The following SHOX variants were observed in gnomAD, a reference collection of about 807,000 sequenced individuals.
SHOX encodes short stature homeobox protein.
Under a neutral mutation model 29.6 loss-of-function variants are expected in SHOX, and 12 were observed. That is an observed-to-expected ratio of 0.41 (90% confidence interval 0.26 to 0.66). The LOEUF (loss-of-function observed/expected upper bound fraction) is 0.66, where lower values mean the gene tolerates loss of function less well. Among genes scored for constraint, SHOX ranks in the 30% least tolerant of loss-of-function variants. The probability of loss-of-function intolerance (pLI) is 0.35; values close to 1 mark genes in which losing one functional copy is unlikely to be tolerated. For synonymous variants in SHOX, 214 were observed against 200.6 expected (o/e 1.07, Z -0.57); for missense variants, 499 against 437.7 (o/e 1.14, Z -1.25).
At chrX:625,206 C>CCTCCTCCTCCTCCTT (rs2052501369) in intron 1 of SHOX, among the ~76,000 whole-genome samples, 3 of 90,530 alleles carry the variant, frequency 3.3e-5, no homozygotes, top group Admixed American at 2.1e-4. Flanking sequence ...TCCTCCTTCT[C>CCTCCTCCTCCTCCTT]CTCCTCCTCC....
intron 1 of SHOX, among the ~76,000 whole-genome samples, chrX:634,124 C>G (rs1237580462): frequency 6.6e-6 from 1 of 152,158 alleles, no homozygotes; most frequent in Non-Finnish European, 1.5e-5. Context: ...GTAGGGGCTC[C>G]TAGCTCCGCC....
chrX:633,492 A>C (rs1197009393), intron 1 of SHOX, among the ~76,000 whole-genome samples: 3 of 88,478 alleles, frequency 3.4e-5, no homozygotes, highest in Non-Finnish European at 4.6e-5. Flanking sequence ...GTGGGGTGGG[A>C]GGGCCCTGGT....
At chrX:624,891 TTTCTTTCTTTCTCTCTTCC>T (rs2052483776) in intron 1 of SHOX, among the ~76,000 whole-genome samples, 1 of 75,634 alleles carries the variant, frequency 1.3e-5, no homozygotes, top group African/African-American at 7.1e-5. Context: ...TCTTTCTTTC[TTTCTTTCTTTCTCTCTTCC>T]TTTCTTTCTT....
At chrX:625,590 T>A (rs1044052405) in intron 1 of SHOX, among the ~76,000 whole-genome samples, 2 of 150,284 alleles carry the variant, frequency 1.3e-5, no homozygotes, top group Non-Finnish European at 3.0e-5. Flanking sequence ...CTGTCTCTCT[T>A]TCTCTCTCTC....
In SHOX at chrX:645,572, G is replaced by A. The variant is rs1211288453; in HGVS notation, c.*936G>A. On this transcript the variant is annotated 3_prime_UTR_variant, in exon 5 of 5. Transcript: ENST00000686671. ...TATAGATTAAAAAAAAAATAGCCGTGCACTCTTGACCCCGTCAGCGTCCAA... is the reference window on the plus strand; with the variant it reads ...TATAGATTAAAAAAAAAATAGCCGTACACTCTTGACCCCGTCAGCGTCCAA... The A allele has an allele frequency of 2.0e-5, 3 of 151,774 alleles. No individual in the cohort carries two copies. Among genetic ancestry groups the A allele is most frequent in the Admixed American group, 1.3e-4 (2 of 15,224 alleles). 9.4% of individuals were successfully genotyped at this position (151,774 alleles called of 1,614,324 possible). A position where few individuals can be genotyped will look rare whatever the true frequency, so the allele number is the denominator to read the frequency against.
rs2052955351 is a variant in SHOX at position 645,752 on chromosome X, C to T, written c.*1116C>T. 1 of 152,104 alleles carries T rather than the reference C, an allele frequency of 6.6e-6. No homozygotes were observed. The highest frequency in any genetic ancestry group is 1.5e-5 in the Non-Finnish European group (1 of 68,048). The allele number at this position is 152,104 out of a possible 1,614,324, so 9.4% of individuals were successfully genotyped here. ...AGAGGGCACGGTGGTGCCAAGATATCAGTTTGGTACCTGAGCTGTTTCTGG... is the reference window on the plus strand; with the variant it reads ...AGAGGGCACGGTGGTGCCAAGATATTAGTTTGGTACCTGAGCTGTTTCTGG... On this transcript the variant is annotated 3_prime_UTR_variant, in exon 5 of 5. Transcript: ENST00000686671.
intron 1 of SHOX, among the ~76,000 whole-genome samples, chrX:625,453 C>T (rs1412833623): frequency 6.6e-6 from 1 of 152,036 alleles, no homozygotes; most frequent in African/African-American, 2.4e-5. Context: ...GTGCTGCTCT[C>T]TTCTCTCTCT....
intron 2 of SHOX, among the ~76,000 whole-genome samples, chrX:640,305 A>G (rs1364376284): frequency 2.0e-5 from 3 of 152,066 alleles, no homozygotes; most frequent in Non-Finnish European, 4.4e-5. Flanking sequence ...AGATAGTGCC[A>G]CTGCAGTCCA....
chrX:655,659 A>G (rs2053137187), downstream of SHOX, among the ~76,000 whole-genome samples: 1 of 118,624 alleles, frequency 8.4e-6, no homozygotes, highest in East Asian at 2.6e-4. Context: ...TATATATATG[A>G]GTTTCAAAAA....
chrX:634,513 T>G, intron 1 of SHOX, 105 bp from the exon 2 acceptor site: 1 of 1,242,020 alleles, frequency 8.1e-7, no homozygotes, highest in Non-Finnish European at 1.2e-6. Flanking sequence ...TCAAAGCGCA[T>G]TGGTTTTCGA....
rs1311592296 is a variant in SHOX, at chrX:649,335, G to A, written c.*4699G>A. 1.3e-5 allele frequency among the ~76,000 whole-genome samples: 2 copies of A among 152,156 alleles called. No individual in the cohort carries two copies. The highest frequency in any genetic ancestry group is 6.5e-5 in the Admixed American group (1 of 15,270). ...ATTACGGGGTGAGGCACCGCGCCCGGCCTCCTCTCTCTTTTTCTGAGATGT... is the reference window on the plus strand; with the variant it reads ...ATTACGGGGTGAGGCACCGCGCCCGACCTCCTCTCTCTTTTTCTGAGATGT... On this transcript the variant is annotated 3_prime_UTR_variant, in exon 5 of 5. Transcript: ENST00000686671.
chrX:627,313 A>C (rs1487225526), upstream of SHOX, among the ~76,000 whole-genome samples: 3 of 152,082 alleles, frequency 2.0e-5, no homozygotes, highest in Admixed American at 6.5e-5. Context: ...TCTCGTCTGG[A>C]TTTCTAACAT....
In SHOX at chrX:645,390, A is replaced by ATTTTTTTTTTTTT. The variant is rs1168989193; in HGVS notation, c.*775_*787dup. ...GGGTCTGGTTTTGTTTTGGATTGGT[A>ATTTTTTTTTTTTT]TTTTTTTTTTTTTTTTTTTTTTTTT... On this transcript the variant is annotated 3_prime_UTR_variant, in exon 5 of 5. Coordinates refer to ENST00000686671, the MANE Select transcript of SHOX (RefSeq NM_000451.4). The ATTTTTTTTTTTTT allele has an allele frequency of 4.1e-4, 32 of 78,354 alleles. 1 individual carries two copies. Among genetic ancestry groups the ATTTTTTTTTTTTT allele is most frequent in the South Asian group, 6.2e-4 (1 of 1,610 alleles). The allele number at this position is 78,354 out of a possible 1,614,324, so 4.9% of individuals were successfully genotyped here.
intron 1 of SHOX, among the ~76,000 whole-genome samples, 199 bp downstream of exon 1, chrX:631,373 A>T (rs892258268): frequency 1.4e-4 from 22 of 152,136 alleles, no homozygotes; most frequent in Non-Finnish European, 2.5e-4. Context: ...GGTGGTGGGT[A>T]GCGGGGTGCG....
chrX:624,656 T>G (rs1377214261), intron 1 of SHOX: 2 of 151,510 alleles, frequency 1.3e-5, no homozygotes, highest in Admixed American at 1.3e-4. Flanking sequence ...TTGCCTTCTT[T>G]CCTTTCTTCG....
downstream of SHOX, among the ~76,000 whole-genome samples, chrX:656,281 A>AATAAATAAGT (rs1272329980): frequency 1.0e-3 from 153 of 150,970 alleles, no homozygotes; most frequent in South Asian, 2.5e-3. Flanking sequence ...GTTTCTCCAA[A>AATAAATAAGT]AAATCAAAAA....
rs1491417053 is a variant in SHOX, at chrX:651,410, CAG to C, written c.*6776_*6777del. The C allele has an allele frequency of 3.5e-4, 146 of 411,822 alleles. No individual in the cohort carries two copies. The highest frequency in any genetic ancestry group is 2.2e-3 in the African/African-American group (85 of 38,438). 25.5% of individuals were successfully genotyped at this position (411,822 alleles called of 1,614,324 possible). A position where few individuals can be genotyped will look rare whatever the true frequency, so the allele number is the denominator to read the frequency against. ...GGTAGAAAAAAAACAAACAAACAAA[CAG>C]AAAAAAAAACCAAAAAAAACCACCC... On this transcript the variant is annotated 3_prime_UTR_variant, in exon 5 of 5. Coordinates refer to ENST00000686671, the MANE Select transcript of SHOX (RefSeq NM_000451.4).
At position 650,792 on chromosome X, in the gene SHOX, T is replaced by TAAAAA. The variant is rs1041655715; in HGVS notation, c.*6179_*6183dup. On this transcript the variant is annotated 3_prime_UTR_variant, in exon 5 of 5. Coordinates refer to ENST00000686671, the MANE Select transcript of SHOX (RefSeq NM_000451.4). ...GGCTTTCGGTGGACACGTTTGACAT[T>TAAAAA]AAAAAAAAAAAAAAAAAAAAAAAAA... 8.5e-3 allele frequency among the ~76,000 whole-genome samples: 430 copies of TAAAAA among 50,786 alleles called. 45 individuals are homozygous for TAAAAA. The highest frequency in any genetic ancestry group is 0.018 in the Middle Eastern group (1 of 56). 33.3% of individuals were successfully genotyped at this position (50,786 alleles called of 152,430 possible).
chrX:628,939 C>G (rs1333068522), upstream of SHOX, among the ~76,000 whole-genome samples: 1 of 95,912 alleles, frequency 1.0e-5, no homozygotes, highest in Non-Finnish European at 2.2e-5. Flanking sequence ...GTCTCTCCCT[C>G]TCTCTCCCTG....
Sources: allele counts gnomAD v4.1 joint callset (sites outside exome capture counted in the v4.1 genomes callset), GRCh38; gene constraint gnomAD v4.1.1; transcripts MANE v1.5; gene names NCBI Gene and HGNC (gene_info 2026-07-23, HGNC 2026-07-21).